Variants in BCAS3 observed in about 807,000 individuals in gnomAD.
BCAS3 encodes the protein BCAS4/BCAS3 fusion.
Under a neutral mutation model 116.1 loss-of-function variants are expected in BCAS3, and 53 were observed. The ratio of observed to expected loss-of-function variants is 0.46; its 90% CI spans 0.37 to 0.57. BCAS3 has a LOEUF of 0.57. Ranked by LOEUF, BCAS3 falls within the 20% of genes least tolerant of loss-of-function variation. The probability of loss-of-function intolerance (pLI) is 0.00; values close to 1 mark genes in which losing one functional copy is unlikely to be tolerated. For missense variants in BCAS3, 917 were observed against 1,165.4 expected (o/e 0.79, Z 3.10); for synonymous variants, 391 against 408.2 (o/e 0.96, Z 0.51).
intron 5 of BCAS3, among the ~76,000 whole-genome samples, chr17:60,737,338 C>T (rs919704455): frequency 4.6e-5 from 7 of 152,124 alleles, no homozygotes; most frequent in African/African-American, 1.7e-4. Context: ...TTTCAAAGAA[C>T]CAGCTTTTGG....
chr17:60,778,484 T>C (rs1015962028), intron 6 of BCAS3, among the ~76,000 whole-genome samples: 28 of 152,236 alleles, frequency 1.8e-4, no homozygotes, highest in African/African-American at 6.5e-4. Flanking sequence ...CAAATGAGAA[T>C]AGAGATAAGA....
chr17:60,805,753 G>A (rs1209925824), intron 6 of BCAS3, among the ~76,000 whole-genome samples: 1 of 151,902 alleles, frequency 6.6e-6, no homozygotes, highest in Admixed American at 6.6e-5. Context: ...GCTCGAACCT[G>A]GGAGGCGGAG....
At chr17:61,117,084 C>G (rs919606033) in intron 22 of BCAS3, among the ~76,000 whole-genome samples, 3 of 152,128 alleles carry the variant, frequency 2.0e-5, no homozygotes, top group Non-Finnish European at 2.9e-5. Flanking sequence ...ACTTTGCCAA[C>G]CCACACCCTT....
At chr17:61,010,144 A>G (rs1306895314) in intron 15 of BCAS3, among the ~76,000 whole-genome samples, 1 of 150,202 alleles carries the variant, frequency 6.7e-6, no homozygotes, top group Non-Finnish European at 1.5e-5. Context: ...CTCTCTGCAA[A>G]GCTGACCTGA....
chr17:60,766,352 T>C (rs772952066), intron 6 of BCAS3, among the ~76,000 whole-genome samples: 1 of 152,216 alleles, frequency 6.6e-6, no homozygotes, highest in Non-Finnish European at 1.5e-5. Context: ...TCTTTGATGA[T>C]GGTGACCTAC....
chr17:61,065,301 T>C lies in BCAS3; in HGVS notation c.2030-9619T>C, dbSNP rs1025704206. Among the ~76,000 whole-genome samples, 1 of 152,204 alleles carries C rather than the reference T, an allele frequency of 6.6e-6. No homozygotes were observed. The highest frequency in any genetic ancestry group is 1.5e-5 in the Non-Finnish European group (1 of 68,028). Reference sequence around the variant, plus strand: ...AACCTTTGTTTTAAAATGGCAAATTTTAGTTTCTATACTAAGAAACTACAT... The same window carrying C: ...AACCTTTGTTTTAAAATGGCAAATTCTAGTTTCTATACTAAGAAACTACAT... On this transcript the variant is annotated intron_variant, in intron 19 of 23. Coordinates refer to ENST00000407086, the MANE Select transcript of BCAS3 (RefSeq NM_017679.5). This position sits in a 1 kb window ranked among gnomAD's most constrained non-coding sequence, Gnocchi z 4.8.
chr17:60,727,669 G>A (rs1012003094), intron 5 of BCAS3, among the ~76,000 whole-genome samples: 1 of 151,984 alleles, frequency 6.6e-6, no homozygotes, highest in Admixed American at 6.6e-5. Flanking sequence ...CCTCCACATC[G>A]TGCACAACCT....
intron 6 of BCAS3, among the ~76,000 whole-genome samples, chr17:60,794,712 G>C (rs548814336): frequency 6.6e-6 from 1 of 152,268 alleles, no homozygotes; most frequent in South Asian, 2.1e-4. Flanking sequence ...TCAGTTGACT[G>C]TAAGTATTTG....
Position 61,244,634 on chromosome 17 carries a change from C to T in BCAS3, c.2426-123693C>T, listed in dbSNP as rs748445503. On this transcript the variant is annotated intron_variant, in intron 22 of 23. Coordinates refer to ENST00000407086, the MANE Select transcript of BCAS3 (RefSeq NM_017679.5). The surrounding 1 kb of genome is among the most constrained non-coding windows in gnomAD (Gnocchi z 4.9). ...ATCCCAGCACTTTGGGAGGCCAAAG[C>T]GGGCGGATCACGAGGTCAGGAGATC... Among the ~76,000 whole-genome samples the T allele has an allele frequency of 1.3e-5, 2 of 152,130 alleles. No individual in the cohort carries two copies. The highest frequency in any genetic ancestry group is 2.9e-5 in the Non-Finnish European group (2 of 68,030).
intron 7 of BCAS3, among the ~76,000 whole-genome samples, chr17:60,833,201 A>G (rs928960847): frequency 2.6e-5 from 4 of 152,256 alleles, no homozygotes; most frequent in African/African-American, 9.6e-5. Flanking sequence ...CAATTTTCAA[A>G]TAGTCTGCCC....
rs779074715 is a variant in BCAS3, at chr17:60,915,287, A to G, written c.993+4585A>G. 3.6e-4 allele frequency among the ~76,000 whole-genome samples: 55 copies of G among 152,172 alleles called. 1 individual carries two copies. Among genetic ancestry groups the G allele is most frequent in the Non-Finnish European group, 2.8e-4 (19 of 68,030 alleles). The stretch of plus-strand genomic sequence containing the variant: ...CAAAAAAAACCTCAGAAAATGGACA[A>G]TGATACACTCTGTTAACTAGGCTAC... On this transcript the variant is annotated intron_variant, in intron 12 of 23. Coordinates refer to ENST00000407086, the MANE Select transcript of BCAS3 (RefSeq NM_017679.5).
chr17:61,311,295 A>C (rs557985509), intron 22 of BCAS3, among the ~76,000 whole-genome samples: 1 of 152,326 alleles, frequency 6.6e-6, no homozygotes, highest in Non-Finnish European at 1.5e-5. Context: ...GATGTACCTT[A>C]AGACATTAAT....
At position 60,957,834 on chromosome 17, in the gene BCAS3, A is replaced by C. The variant is rs557394275; in HGVS notation, c.1221+10482A>C. Reference sequence around the variant, plus strand: ...TTATTGAGGAAATAACAGAAATACTATATGTAAAATGCTTAGCAAAGCACT... The same window carrying C: ...TTATTGAGGAAATAACAGAAATACTCTATGTAAAATGCTTAGCAAAGCACT... On this transcript the variant is annotated intron_variant, in intron 14 of 23. Coordinates refer to ENST00000407086, the MANE Select transcript of BCAS3 (RefSeq NM_017679.5). Among the ~76,000 whole-genome samples, 9 of 152,348 alleles carry C rather than the reference A, an allele frequency of 5.9e-5. No homozygotes were observed. The South Asian group carries it at 1.9e-3, about 32-fold the overall frequency.
rs1223706055 is a variant in BCAS3, at chr17:61,217,024, G to C, written c.2425+132460G>C. On this transcript the variant is annotated intron_variant, in intron 22 of 23. Coordinates refer to ENST00000407086, the MANE Select transcript of BCAS3 (RefSeq NM_017679.5). The surrounding 1 kb of genome is among the most constrained non-coding windows in gnomAD (Gnocchi z 5.2). ...TGGCCGGGTGGGGTGGCTGACACCTGTAATCCCAGCACTTTGGGAGGCTGA... is the reference window on the plus strand; with the variant it reads ...TGGCCGGGTGGGGTGGCTGACACCTCTAATCCCAGCACTTTGGGAGGCTGA... 6.6e-6 allele frequency among the ~76,000 whole-genome samples: 1 copy of C among 151,656 alleles called. No homozygotes were observed. Among genetic ancestry groups the C allele is most frequent in the African/African-American group, 2.4e-5 (1 of 41,298 alleles).
At chr17:60,977,002 C>T (rs1401688920) in intron 14 of BCAS3, among the ~76,000 whole-genome samples, 1 of 152,068 alleles carries the variant, frequency 6.6e-6, no homozygotes, top group Non-Finnish European at 1.5e-5. Flanking sequence ...CCTCACTTCC[C>T]AGACGGGGCG....
Position 61,118,040 on chromosome 17 carries a change from T to G in BCAS3, c.2425+33476T>G, listed in dbSNP as rs1239866079. 6.6e-6 allele frequency among the ~76,000 whole-genome samples: 1 copy of G among 152,212 alleles called. No individual in the cohort carries two copies. Among genetic ancestry groups the G allele is most frequent in the Non-Finnish European group, 1.5e-5 (1 of 68,042 alleles). ...TATCTATTGATTGTCTTTTTTTCAT[T>G]TGTTATGATATCTTGCTGGCTGGAA... On this transcript the variant is annotated intron_variant, in intron 22 of 23. Transcript: ENST00000407086. This position sits in a 1 kb window ranked among gnomAD's most constrained non-coding sequence, Gnocchi z 5.0.
chr17:60,871,532 C>T (rs963020172), intron 8 of BCAS3, among the ~76,000 whole-genome samples: 4 of 151,154 alleles, frequency 2.6e-5, no homozygotes, highest in African/African-American at 4.8e-5. Flanking sequence ...AGGGAAGTAG[C>T]GTGGGGTATG....
chr17:61,091,733 A>G (rs2073587210), intron 22 of BCAS3, among the ~76,000 whole-genome samples: 1 of 152,216 alleles, frequency 6.6e-6, no homozygotes, highest in South Asian at 2.1e-4. Flanking sequence ...TAGTTGTTCC[A>G]GAGAAAAGTC....
At chr17:60,949,609 C>T (rs560054995) in intron 14 of BCAS3, among the ~76,000 whole-genome samples, 1 of 152,164 alleles carries the variant, frequency 6.6e-6, no homozygotes, top group Non-Finnish European at 1.5e-5. Context: ...AATAGTTGTA[C>T]CTATTTGTGG....
Sources: allele counts gnomAD v4.1 joint callset (sites outside exome capture counted in the v4.1 genomes callset), GRCh38; gene constraint gnomAD v4.1.1; non-coding constraint Gnocchi (gnomAD v3.1); transcripts MANE v1.5; gene names NCBI Gene and HGNC (gene_info 2026-07-23, HGNC 2026-07-21).